CACNA2D3: variants seen among roughly 807,000 people sequenced by gnomAD.
The protein encoded by CACNA2D3 is calcium voltage-gated channel auxiliary subunit alpha2delta 3.
CACNA2D3 carries 60 observed loss-of-function variants against 160.6 expected under a neutral mutation model. The ratio of observed to expected loss-of-function variants is 0.37; its 90% CI spans 0.30 to 0.46. The LOEUF (loss-of-function observed/expected upper bound fraction) is 0.46. Ranked by LOEUF, CACNA2D3 falls within the 20% of genes least tolerant of loss-of-function variation. CACNA2D3 has a pLI of 1.00. For missense variants in CACNA2D3, 1,205 were observed against 1,365.0 expected, an observed-to-expected ratio of 0.88 and a Z score of 1.85; for synonymous variants, 558 against 492.9, an observed-to-expected ratio of 1.13 and a Z score of -1.75.
intron 5 of CACNA2D3, among the ~76,000 whole-genome samples, chr3:54,513,651 C>T (rs2106967511): frequency 6.6e-6 from 1 of 152,026 alleles, no homozygotes; most frequent in Non-Finnish European, 1.5e-5. Flanking sequence ...GAGTTTTCAG[C>T]TAGCTATGTC....
chr3:54,556,174 C>A (rs962799892), intron 5 of CACNA2D3, among the ~76,000 whole-genome samples: 4 of 152,234 alleles, frequency 2.6e-5, no homozygotes, highest in African/African-American at 9.6e-5. Flanking sequence ...CCAGTACCTG[C>A]AAATGTGGTT....
intron 13 of CACNA2D3, among the ~76,000 whole-genome samples, chr3:54,771,113 C>G (rs1042253918): frequency 6.6e-6 from 1 of 152,022 alleles, no homozygotes; most frequent in Non-Finnish European, 1.5e-5. Flanking sequence ...CTTATTGTCT[C>G]TTAGTGGCCT....
intron 11 of CACNA2D3, among the ~76,000 whole-genome samples, chr3:54,650,036 A>G (rs1005770186): frequency 1.6e-4 from 24 of 152,148 alleles, no homozygotes; most frequent in African/African-American, 5.5e-4. Flanking sequence ...ATGTCACTGC[A>G]TGAACTGACC....
chr3:55,025,409 A>T (rs1270296126), intron 35 of CACNA2D3, among the ~76,000 whole-genome samples: 1 of 152,012 alleles, frequency 6.6e-6, no homozygotes, highest in African/African-American at 2.4e-5. Flanking sequence ...AGGCAGGCGT[A>T]TCACTTGAGG....
chr3:54,285,020 G>A (rs1338867235), intron 2 of CACNA2D3, among the ~76,000 whole-genome samples: 2 of 152,208 alleles, frequency 1.3e-5, no homozygotes, highest in Non-Finnish European at 2.9e-5. Context: ...GAAGACGGGT[G>A]ATTTCTGCAT....
chr3:54,294,575 G>A (rs979180500), intron 2 of CACNA2D3, among the ~76,000 whole-genome samples: 5 of 152,150 alleles, frequency 3.3e-5, no homozygotes, highest in Non-Finnish European at 7.3e-5. Flanking sequence ...TGGGGAGTGT[G>A]TGGACTTGTT....
intron 3 of CACNA2D3, among the ~76,000 whole-genome samples, chr3:54,343,349 T>C (rs7623251): frequency 0.012 from 1,840 of 152,242 alleles, 45 homozygotes; most frequent in African/African-American, 0.042. Flanking sequence ...TGGAGTATAG[T>C]GGCACCATCA....
intron 13 of CACNA2D3, among the ~76,000 whole-genome samples, chr3:54,782,781 G>A (rs760720234): frequency 9.9e-5 from 15 of 152,158 alleles, no homozygotes; most frequent in Admixed American, 3.3e-4. Context: ...AACGACTAGA[G>A]TAAGAACCAA....
intron 11 of CACNA2D3, among the ~76,000 whole-genome samples, chr3:54,654,925 T>G (rs1396395662): frequency 6.6e-6 from 1 of 152,148 alleles, no homozygotes; most frequent in Non-Finnish European, 1.5e-5. Flanking sequence ...TGCAACATCC[T>G]CCTATTGACC....
chr3:54,829,692 C>T (rs918455334), intron 14 of CACNA2D3, among the ~76,000 whole-genome samples: 1 of 151,810 alleles, frequency 6.6e-6, no homozygotes, highest in Non-Finnish European at 1.5e-5. Context: ...TATGTGCTAC[C>T]CAGAGAATGG....
intron 13 of CACNA2D3, among the ~76,000 whole-genome samples, chr3:54,790,922 G>A (rs1054348651): frequency 6.6e-6 from 1 of 152,220 alleles, no homozygotes. Flanking sequence ...GCCCTGAAAA[G>A]CACCATCTCC....
At chr3:54,441,276 A>C (rs987198430) in intron 4 of CACNA2D3, among the ~76,000 whole-genome samples, 2 of 152,194 alleles carry the variant, frequency 1.3e-5, no homozygotes, top group African/African-American at 4.8e-5. Flanking sequence ...TTGGCTACAT[A>C]AATGTCTTCT....
chr3:54,714,371 T>C (rs2106970014), intron 11 of CACNA2D3, among the ~76,000 whole-genome samples: 1 of 152,298 alleles, frequency 6.6e-6, no homozygotes, highest in African/African-American at 2.4e-5. Context: ...GCGAGTGCTC[T>C]GGGGCCGGGG....
intron 25 of CACNA2D3, among the ~76,000 whole-genome samples, chr3:54,892,374 G>A (rs534298582): frequency 6.6e-6 from 1 of 152,182 alleles, no homozygotes; most frequent in Non-Finnish European, 1.5e-5. Context: ...GGTCCAAGGA[G>A]GCGGTGCTTC....
chr3:54,453,184 G>C (rs985806107), intron 4 of CACNA2D3, among the ~76,000 whole-genome samples: 30 of 152,040 alleles, frequency 2.0e-4, no homozygotes, highest in African/African-American at 7.0e-4. Context: ...GTACAGATGA[G>C]GTCTTTCTGT....
chr3:54,759,552 G>C lies in CACNA2D3; in HGVS notation c.1247-4666G>C, dbSNP rs1007226082. On this transcript the variant is annotated intron_variant, in intron 12 of 37. Coordinates refer to ENST00000474759, the MANE Select transcript of CACNA2D3 (RefSeq NM_018398.3). Reference sequence around the variant, plus strand: ...GAATCAAATGTGCATAAGCTTTGCAGCATACATTGTTATTGTCAATATTAT... The same window carrying C: ...GAATCAAATGTGCATAAGCTTTGCACCATACATTGTTATTGTCAATATTAT... Among the ~76,000 whole-genome samples the C allele has an allele frequency of 5.3e-5, 8 of 150,440 alleles. No individual in the cohort carries two copies. The East Asian group carries it at 1.6e-3, about 29-fold the overall frequency.
In CACNA2D3 at chr3:54,449,429, GT is replaced by G. The variant is rs1276403098; in HGVS notation, c.382-54059del. ...AATATTTGCTAATTTGGTGTTTTAA[GT>G]TTTGTTTCAAGTGTGGTTTTCTTTA... On this transcript the variant is annotated intron_variant, in intron 4 of 37. Transcript: ENST00000474759. Among the ~76,000 whole-genome samples the G allele has an allele frequency of 2.0e-5, 3 of 152,310 alleles. No homozygotes were observed. In the East Asian group the frequency reaches 5.8e-4, roughly 29 times the overall value.
At chr3:54,514,942 A>G (rs150653266) in intron 5 of CACNA2D3, among the ~76,000 whole-genome samples, 2 of 152,312 alleles carry the variant, frequency 1.3e-5, no homozygotes, top group East Asian at 3.9e-4. Flanking sequence ...AGGAATACGA[A>G]TTTCTACTGT....
intron 2 of CACNA2D3, among the ~76,000 whole-genome samples, chr3:54,189,418 G>A (rs1470822761): frequency 6.6e-6 from 1 of 152,114 alleles, no homozygotes; most frequent in Non-Finnish European, 1.5e-5. Context: ...TTAGGGACAG[G>A]GCCAAAGTCG....
Sources: allele counts gnomAD v4.1 joint callset (sites outside exome capture counted in the v4.1 genomes callset), GRCh38; gene constraint gnomAD v4.1.1; transcripts MANE v1.5; gene names NCBI Gene and HGNC (gene_info 2026-07-23, HGNC 2026-07-21).